Variants in SAMMSON observed in about 807,000 individuals in gnomAD.
SAMMSON encodes the protein survival associated mitochondrial melanoma specific oncogenic non-coding RNA, also known as long intergenic non-protein coding RNA 1212.
At chr3:70,426,918 C>T (rs1701374850) in intron 2 of SAMMSON, among the ~76,000 whole-genome samples, 1 of 152,214 alleles carries the variant, frequency 6.6e-6, no homozygotes, top group African/African-American at 2.4e-5. Context: ...ATCACTTTCA[C>T]ATTTAACATT....
At chr3:70,323,681 A>G (rs1218543282) in intron 7 of SAMMSON, among the ~76,000 whole-genome samples, 1 of 152,076 alleles carries the variant, frequency 6.6e-6, no homozygotes, top group Non-Finnish European at 1.5e-5. Flanking sequence ...CAGCTGCTAT[A>G]TTGTTTTATT....
chr3:70,424,921 G>A (rs1267638351), intron 2 of SAMMSON: 1 of 151,476 alleles, frequency 6.6e-6, no homozygotes, highest in Non-Finnish European at 1.5e-5. Flanking sequence ...CCCCAGTTGA[G>A]AACAATGAAA....
chr3:70,045,704 A>G (rs978425541), intron 3 of SAMMSON, among the ~76,000 whole-genome samples: 2 of 152,026 alleles, frequency 1.3e-5, no homozygotes, highest in African/African-American at 2.4e-5. Context: ...CATATATTAA[A>G]TGCACATAAA....
intron 3 of SAMMSON, among the ~76,000 whole-genome samples, chr3:70,044,336 AT>A (rs1368059455): frequency 6.6e-6 from 1 of 151,422 alleles, no homozygotes. Context: ...GGGGATGCAG[AT>A]TTTTTTTTCA....
intron 4 of SAMMSON, among the ~76,000 whole-genome samples, chr3:70,094,201 T>G (rs2067315252): frequency 6.6e-6 from 1 of 152,192 alleles, no homozygotes; most frequent in Non-Finnish European, 1.5e-5. Flanking sequence ...TCATGCCTGC[T>G]GCTCTCCATC....
chr3:70,238,253 G>A (rs1231914706), intron 4 of SAMMSON, among the ~76,000 whole-genome samples: 2 of 151,740 alleles, frequency 1.3e-5, no homozygotes, highest in Non-Finnish European at 2.9e-5. Flanking sequence ...CTCCTTCTAT[G>A]TAAGGTGTAA....
At chr3:70,165,201 A>G (rs539455450) in intron 4 of SAMMSON, among the ~76,000 whole-genome samples, 1 of 152,146 alleles carries the variant, frequency 6.6e-6, no homozygotes, top group East Asian at 1.9e-4. Context: ...CAATTATATA[A>G]TCATTTTCTA....
chr3:70,054,290 T>C (rs763019257), intron 3 of SAMMSON, among the ~76,000 whole-genome samples: 1 of 152,148 alleles, frequency 6.6e-6, no homozygotes, highest in Non-Finnish European at 1.5e-5. Context: ...GAAGGCTTTA[T>C]GTAGTGTTGA....
chr3:70,284,532 T>G (rs891062558), intron 6 of SAMMSON, among the ~76,000 whole-genome samples: 4 of 152,094 alleles, frequency 2.6e-5, no homozygotes, highest in African/African-American at 9.7e-5. Context: ...ATCAAGAAAA[T>G]GTGGTACATA....
chr3:70,354,258 G>T (rs1296277211), exon 8 of SAMMSON: 1 of 152,016 alleles, frequency 6.6e-6, no homozygotes, highest in Non-Finnish European at 1.5e-5. Flanking sequence ...ATGAATCTAC[G>T]GTTCCCTCAA....
At chr3:70,336,086 T>C (rs1265920033) in intron 7 of SAMMSON, among the ~76,000 whole-genome samples, 14 of 152,060 alleles carry the variant, frequency 9.2e-5, no homozygotes, top group Admixed American at 1.3e-4. Flanking sequence ...GTCAAATTTA[T>C]ATTTTAAAGA....
chr3:70,206,248 G>T (rs1701289886), intron 4 of SAMMSON, among the ~76,000 whole-genome samples: 1 of 151,894 alleles, frequency 6.6e-6, no homozygotes, highest in African/African-American at 2.4e-5. Context: ...AGACTGAATA[G>T]TTCCATGTCT....
chr3:70,380,738 C>T (rs1252015858), intron 9 of SAMMSON, among the ~76,000 whole-genome samples: 2 of 152,012 alleles, frequency 1.3e-5, no homozygotes, highest in Non-Finnish European at 2.9e-5. Flanking sequence ...GTTCCCCTTC[C>T]TTTGTCCAAG....
Position 70,421,104 on chromosome 3 carries a change from T to C in SAMMSON, n.234-41456T>C, listed in dbSNP as rs1043694598. Reference sequence around the variant, plus strand: ...TTAATTTTTTCAGTCTTTCCTCCCCTAAACAAGAAAAGATCTTCCAAAGAA... The same window carrying C: ...TTAATTTTTTCAGTCTTTCCTCCCCCAAACAAGAAAAGATCTTCCAAAGAA... On this transcript the variant is annotated intron_variant and non_coding_transcript_variant, in intron 2 of 3. Coordinates refer to the SAMMSON transcript ENST00000641053. Among the ~76,000 whole-genome samples, 79 of 152,124 alleles carry C rather than the reference T, an allele frequency of 5.2e-4. 1 individual carries two copies. The highest frequency in any genetic ancestry group is 1.8e-3 in the African/African-American group (76 of 41,434).
chr3:70,187,953 C>CT (rs1365351791), intron 4 of SAMMSON, among the ~76,000 whole-genome samples: 1 of 152,110 alleles, frequency 6.6e-6, no homozygotes, highest in African/African-American at 2.4e-5. Context: ...AGCAAGCTCT[C>CT]TGAGTGTTCA....
At chr3:70,365,226 G>T (rs549702303) in intron 9 of SAMMSON, among the ~76,000 whole-genome samples, 1 of 151,500 alleles carries the variant, frequency 6.6e-6, no homozygotes, top group Non-Finnish European at 1.5e-5. Flanking sequence ...GTTTCTCCAG[G>T]GAGTCCTGGT....
intron 2 of SAMMSON, among the ~76,000 whole-genome samples, chr3:70,396,758 A>G (rs576510791): frequency 6.6e-6 from 1 of 152,196 alleles, no homozygotes; most frequent in Non-Finnish European, 1.5e-5. Context: ...AATCTTTTCC[A>G]GTTCCAAAAC....
chr3:70,402,601 C>T (rs1701148854), intron 2 of SAMMSON, among the ~76,000 whole-genome samples: 1 of 152,054 alleles, frequency 6.6e-6, no homozygotes, highest in African/African-American at 2.4e-5. Flanking sequence ...GTGGCTTACG[C>T]CTATAATCCC....
At chr3:70,077,774 C>G (rs964382621) in intron 4 of SAMMSON, among the ~76,000 whole-genome samples, 8 of 152,110 alleles carry the variant, frequency 5.3e-5, no homozygotes, top group Non-Finnish European at 1.2e-4. Flanking sequence ...CATCTCCGAC[C>G]TCAGGGAATG....
Sources: allele counts gnomAD v4.1 joint callset (sites outside exome capture counted in the v4.1 genomes callset), GRCh38; gene constraint gnomAD v4.1.1; transcripts MANE v1.5; gene names NCBI Gene and HGNC (gene_info 2026-07-23, HGNC 2026-07-21).